Variants in GLB1L3 observed in about 807,000 individuals in gnomAD.
GLB1L3 encodes the protein galactosidase beta 1 like 3.
GLB1L3 carries 89 observed loss-of-function variants against 89.5 expected under a neutral mutation model. That is an observed-to-expected ratio of 0.99 (90% CI 0.84 to 1.19). The LOEUF is 1.19. Among genes scored for constraint, GLB1L3 ranks in the 50% most tolerant of loss-of-function variants. The probability of loss-of-function intolerance (pLI) is 0.00; values close to 1 mark genes in which losing one functional copy is unlikely to be tolerated. For missense variants in GLB1L3, 812 were observed against 813.3 expected (o/e 1.00, Z 0.02); for synonymous variants, 314 against 312.3 (o/e 1.01, Z -0.06).
At chr11:134,292,340 C>A in intron 8 of GLB1L3, 127 bp downstream of exon 8, 1 of 646,280 alleles carries the variant, frequency 1.5e-6, no homozygotes, top group Non-Finnish European at 2.7e-6. Flanking sequence ...TGGGATGGAT[C>A]CTGGAGTTCG....
chr11:134,317,750 A>T (rs1943044194), intron 18 of GLB1L3, among the ~76,000 whole-genome samples: 1 of 152,152 alleles, frequency 6.6e-6, no homozygotes, highest in Admixed American at 6.5e-5. Context: ...TTGACTATTG[A>T]AAGGTTGTAT....
intron 9 of GLB1L3, among the ~76,000 whole-genome samples, chr11:134,302,545 T>C (rs879038247): frequency 6.6e-6 from 1 of 152,194 alleles, no homozygotes; most frequent in Admixed American, 6.5e-5. Context: ...ATCTTAAAGA[T>C]TTCTGTGGTT....
At chr11:134,289,424 G>A (rs928150745) in intron 7 of GLB1L3, among the ~76,000 whole-genome samples, 3 of 152,026 alleles carry the variant, frequency 2.0e-5, no homozygotes, top group African/African-American at 7.3e-5. Context: ...AACTCGTATT[G>A]AAAAAAATCC....
intron 9 of GLB1L3, among the ~76,000 whole-genome samples, chr11:134,298,943 C>T (rs868230096): frequency 6.6e-6 from 1 of 152,140 alleles, no homozygotes; most frequent in African/African-American, 2.4e-5. Context: ...TCAAATCGCA[C>T]GTACATTAGA....
chr11:134,286,084 T>A (rs1326157446), intron 6 of GLB1L3, among the ~76,000 whole-genome samples: 1 of 151,946 alleles, frequency 6.6e-6, no homozygotes, highest in East Asian at 1.9e-4. Flanking sequence ...AATTTTTGTA[T>A]TTTTAGTAGA....
At chr11:134,306,811 G>A (rs902540808) in intron 9 of GLB1L3, among the ~76,000 whole-genome samples, 13 of 152,236 alleles carry the variant, frequency 8.5e-5, no homozygotes, top group Non-Finnish European at 1.6e-4. Context: ...TCAGGTCCTC[G>A]TGTATCCAAA....
At chr11:134,306,799 G>T (rs940826448) in intron 9 of GLB1L3, among the ~76,000 whole-genome samples, 2 of 152,254 alleles carry the variant, frequency 1.3e-5, no homozygotes, top group African/African-American at 4.8e-5. Context: ...AAGGAATTGC[G>T]GTCAGGTCCT....
In GLB1L3 at chr11:134,316,084, T is replaced by C. The variant is rs980177793; in HGVS notation, c.1779+1643T>C. Among the ~76,000 whole-genome samples the C allele has an allele frequency of 2.6e-5, 4 of 152,132 alleles. No individual in the cohort carries two copies. In the East Asian group the frequency reaches 7.7e-4, roughly 29 times the overall value. On this transcript the variant is annotated intron_variant, in intron 18 of 19. Coordinates refer to ENST00000431683, the MANE Select transcript of GLB1L3 (RefSeq NM_001080407.3). ...AGCCTCTATCTCCAGTTCCAGCACA[T>C]TTTCATTATCCTATAAACATTGGGC...
intron 18 of GLB1L3, among the ~76,000 whole-genome samples, chr11:134,318,242 T>A (rs1943064797): frequency 6.6e-6 from 1 of 152,224 alleles, no homozygotes; most frequent in African/African-American, 2.4e-5. Flanking sequence ...TTCTTCTAGA[T>A]CTTGATCCTG....
In GLB1L3 at chr11:134,276,744, A is replaced by G; in HGVS notation, c.4A>G (p.Lys2Glu). 6.9e-7 allele frequency: 1 copy of G among 1,450,880 alleles called. No individual in the cohort carries two copies. Among genetic ancestry groups the G allele is most frequent in the Non-Finnish European group, 9.1e-7 (1 of 1,103,554 alleles). 89.9% of individuals were successfully genotyped at this position (1,450,880 alleles called of 1,614,324 possible). Residue 2 changes from lysine to glutamate, a missense_variant, in exon 1 of 20, where the codon AAG becomes GAG. This residue lies in a region of GLB1L3 where 191 missense variants were observed against 191.4 expected (regional missense o/e 1.00). Transcript: ENST00000431683. M[K>E]SPPLLSPCLS... ...TCGGCGCCTCGGCCTGGCCGCGATG[A>G]AGTCCCCGCCCCTCCTCAGGTGACG...
chr11:134,281,894 A>C (rs474046), intron 4 of GLB1L3, 131 bp from the exon 5 acceptor site: 1 of 673,514 alleles, frequency 1.5e-6, no homozygotes, highest in Non-Finnish European at 2.4e-6. Flanking sequence ...GGGAGTCCCC[A>C]CGCTTTGGGG....
Position 134,307,142 on chromosome 11 carries a change from A to G in GLB1L3, c.895A>G (p.Ile299Val). The part of the protein sequence containing the change: ...HKVQRDKPLL[I>V]MEYWVGWFDR... ...TTTTTAGAGAGATAAGCCCCTTCTG[A>G]TTATGGAATACTGGGTCGGCTGGTT... The change falls in exon 10 of 20, where the codon ATT becomes GTT. Residue 299 changes from isoleucine (I) to valine (V), a missense_variant. Transcript: ENST00000431683. The G allele has an allele frequency of 6.2e-7, 1 of 1,613,644 alleles. No individual in the cohort carries two copies. The highest frequency in any genetic ancestry group is 8.5e-7 in the Non-Finnish European group (1 of 1,179,660).
rs555760535 is a variant in GLB1L3, at chr11:134,294,846, A to C, written c.876+1637A>C. 2.6e-5 allele frequency among the ~76,000 whole-genome samples: 4 copies of C among 152,276 alleles called. No homozygotes were observed. The South Asian group carries it at 8.3e-4, about 32-fold the overall frequency. On this transcript the variant is annotated intron_variant, in intron 9 of 19. Coordinates refer to ENST00000431683, the MANE Select transcript of GLB1L3 (RefSeq NM_001080407.3). ...TTCATTTCCTTCAATAGCTGACTGG[A>C]TTGTGCTTGACTGTCACGTACGTAA...
intron 18 of GLB1L3, among the ~76,000 whole-genome samples, chr11:134,315,353 A>C (rs486360): frequency 0.87 from 133,072 of 152,142 alleles, 58,590 homozygotes; most frequent in Non-Finnish European, 0.91. Flanking sequence ...ATGTTTAGGG[A>C]TCTCATAAAG....
rs768363910 is a variant in GLB1L3, at chr11:134,312,499, G to A, written c.1428+10G>A. On this transcript the variant is annotated intron_variant, in intron 14 of 19. Transcript: ENST00000431683. ...TCATGACGTGGCACAGGTAGGGCCAGCAGGCTGTCTGTGTGGGAAGCAAAG... is the reference window on the plus strand; with the variant it reads ...TCATGACGTGGCACAGGTAGGGCCAACAGGCTGTCTGTGTGGGAAGCAAAG... 1.9e-6 allele frequency: 3 copies of A among 1,609,878 alleles called. No individual in the cohort carries two copies. Among genetic ancestry groups the A allele is most frequent in the Non-Finnish European group, 2.5e-6 (3 of 1,179,730 alleles).
intron 9 of GLB1L3, among the ~76,000 whole-genome samples, chr11:134,293,497 T>C (rs557267933): frequency 7.8e-4 from 119 of 151,938 alleles, no homozygotes; most frequent in Non-Finnish European, 1.4e-3. Context: ...GTGAAGAGAG[T>C]GCTCAGAGAC....
At chr11:134,318,830 T>A in intron 19 of GLB1L3, 47 bp from the exon 20 acceptor site, 1 of 1,569,558 alleles carries the variant, frequency 6.4e-7, no homozygotes, top group Non-Finnish European at 8.8e-7. Flanking sequence ...CAACCTGTAC[T>A]AAATAGGCTT....
At chr11:134,307,254 T>G in intron 10 of GLB1L3, 46 bp downstream of exon 10, 1 of 1,376,266 alleles carries the variant, frequency 7.3e-7, no homozygotes, top group Non-Finnish European at 1.0e-6. Context: ...TGGCCCCAGG[T>G]CCCATGAGAA....
chr11:134,323,400 C>CACACACACACACACGT (rs988885308), downstream of GLB1L3, among the ~76,000 whole-genome samples: 1 of 27,900 alleles, frequency 3.6e-5, no homozygotes, highest in Non-Finnish European at 1.2e-4. Context: ...CACACGTACA[C>CACACACACACACACGT]ACACACACAC....
Sources: allele counts gnomAD v4.1 joint callset (sites outside exome capture counted in the v4.1 genomes callset), GRCh38; gene constraint gnomAD v4.1.1; regional missense constraint gnomAD v4.1.1; transcripts MANE v1.5; gene names NCBI Gene and HGNC (gene_info 2026-07-23, HGNC 2026-07-21).